NRCAM: variants seen among roughly 807,000 people sequenced by gnomAD.
The protein encoded by NRCAM is NgCAM-related cell adhesion molecule.
NRCAM carries 83 observed loss-of-function variants against 156.5 expected under a neutral mutation model. The ratio of observed to expected loss-of-function variants is 0.53; its 90% confidence interval spans 0.44 to 0.64. The LOEUF (loss-of-function observed/expected upper bound fraction) is 0.64, where lower values mean the gene tolerates loss of function less well. Ranked by LOEUF, NRCAM falls within the 30% of genes least tolerant of loss-of-function variation. The pLI is 0.00. For missense variants in NRCAM, 1,417 were observed against 1,597.3 expected, an observed-to-expected ratio of 0.89 and a Z score of 1.92; for synonymous variants, 538 against 563.9, an observed-to-expected ratio of 0.95 and a Z score of 0.65.
In NRCAM at chr7:108,191,754, G is replaced by A. The variant is rs536252588; in HGVS notation, c.1878C>T (p.Ser626=). ...CVANTTLDSV[S]ASAVLSVVAP... is the part of the protein sequence containing the mutation. ...CAACAACGCTAAGCACAGCGCTGGC[G>A]GAGACGCTGTCCAGAGTGGTGTTGG... The change falls in exon 18 of 33, where the codon TCC becomes TCT. Residue 626 remains serine (S), a synonymous_variant. Transcript: ENST00000379028. 23 of 1,613,802 alleles carry A rather than the reference G, an allele frequency of 1.4e-5. No homozygotes were observed. The highest frequency in any genetic ancestry group is 1.7e-4 in the Middle Eastern group (1 of 6,030).
At chr7:108,447,263 T>C (rs929596371) in intron 1 of NRCAM, among the ~76,000 whole-genome samples, 2 of 121,492 alleles carry the variant, frequency 1.6e-5, no homozygotes, top group African/African-American at 3.2e-5. Flanking sequence ...TTCTTTCTTT[T>C]TTTTTTTTTT....
chr7:108,315,929 T>A (rs1593025503), intron 2 of NRCAM, among the ~76,000 whole-genome samples: 1 of 152,248 alleles, frequency 6.6e-6, no homozygotes, highest in African/African-American at 2.4e-5. Flanking sequence ...GTGAGCAAAT[T>A]ACATTGATAG....
intron 3 of NRCAM, among the ~76,000 whole-genome samples, chr7:108,277,118 G>A (rs1468791599): frequency 6.6e-6 from 1 of 152,172 alleles, no homozygotes; most frequent in Non-Finnish European, 1.5e-5. Context: ...TTAGTCTGAT[G>A]GACTTCCCTT....
At chr7:108,264,601 C>T (rs2097017880) in intron 3 of NRCAM, among the ~76,000 whole-genome samples, 1 of 152,214 alleles carries the variant, frequency 6.6e-6, no homozygotes, top group African/African-American at 2.4e-5. Context: ...TCTTAACTGG[C>T]ATCAATCGTT....
intron 3 of NRCAM, among the ~76,000 whole-genome samples, chr7:108,252,392 A>G (rs1186942508): frequency 6.6e-6 from 1 of 152,158 alleles, no homozygotes; most frequent in African/African-American, 2.4e-5. Context: ...TTTAAATAAG[A>G]CTATTGTAGG....
intron 2 of NRCAM, among the ~76,000 whole-genome samples, chr7:108,320,564 G>A (rs2098989538): frequency 6.6e-6 from 1 of 151,530 alleles, no homozygotes; most frequent in African/African-American, 2.4e-5. Context: ...AAAAAAAAGA[G>A]TGACTATTTT....
chr7:108,290,565 A>G (rs1041587382), intron 3 of NRCAM, among the ~76,000 whole-genome samples: 2 of 152,220 alleles, frequency 1.3e-5, no homozygotes, highest in African/African-American at 4.8e-5. Flanking sequence ...GTACAAAGCA[A>G]GCATTTCTAC....
At chr7:108,266,099 A>G (rs1188547195) in intron 3 of NRCAM, among the ~76,000 whole-genome samples, 7 of 151,880 alleles carry the variant, frequency 4.6e-5, no homozygotes, top group African/African-American at 1.7e-4. Context: ...GTTTTCAAAT[A>G]TTTTCTCATA....
At chr7:108,452,406 T>G (rs1046581784) in intron 1 of NRCAM, among the ~76,000 whole-genome samples, 1 of 140,376 alleles carries the variant, frequency 7.1e-6, no homozygotes, top group Non-Finnish European at 1.6e-5. Context: ...TCATTAATGC[T>G]GTGGGGGGGG....
At position 108,277,039 on chromosome 7, in the gene NRCAM, C is replaced by G. The variant is rs1468031318; in HGVS notation, c.-107+35626G>C. 2.0e-5 allele frequency among the ~76,000 whole-genome samples: 3 copies of G among 152,248 alleles called. No homozygotes were observed. In the East Asian group the frequency reaches 5.8e-4, roughly 29 times the overall value. On this transcript the variant is annotated intron_variant, in intron 3 of 32. Transcript: ENST00000379028. ...GAAATTCTGGGTTGAAAATTCTTTT[C>G]TTTAAGAATGTTGAATATTGGCCCC...
chr7:108,254,629 CCT>C lies in NRCAM; in HGVS notation c.-106-14461_-106-14460del, dbSNP rs2096542134. On this transcript the variant is annotated intron_variant, in intron 3 of 32. Coordinates refer to ENST00000379028, the MANE Select transcript of NRCAM (RefSeq NM_001037132.4). ...ATAGCGTGATCTCAGCTAAGGGCAACCTCTGTCTCCTGGGCTCAAACCATCCT... is the reference window on the plus strand; with the variant it reads ...ATAGCGTGATCTCAGCTAAGGGCAACCTGTCTCCTGGGCTCAAACCATCCT... 4.8e-5 allele frequency among the ~76,000 whole-genome samples: 7 copies of C among 146,392 alleles called. No homozygotes were observed. The South Asian group carries it at 1.5e-3, about 31-fold the overall frequency.
intron 15 of NRCAM, among the ~76,000 whole-genome samples, chr7:108,195,532 C>T (rs1026463687): frequency 1.3e-5 from 2 of 151,976 alleles, no homozygotes; most frequent in African/African-American, 4.8e-5. Context: ...AGGAGATATG[C>T]TTGAACCCAG....
intron 32 of NRCAM, among the ~76,000 whole-genome samples, chr7:108,158,935 T>G (rs1459046505): frequency 6.6e-6 from 1 of 152,190 alleles, no homozygotes; most frequent in East Asian, 1.9e-4. Flanking sequence ...AGTAACACAT[T>G]GCCTAGAGGG....
chr7:108,242,258 CA>C (rs11413420), intron 3 of NRCAM, among the ~76,000 whole-genome samples: 98 of 98,492 alleles, frequency 1.0e-3, no homozygotes, highest in Middle Eastern at 5.7e-3. Flanking sequence ...GACCCCGTCT[CA>C]AAAAAAAAAA....
chr7:108,247,278 A>T (rs2096006949), intron 3 of NRCAM, among the ~76,000 whole-genome samples: 1 of 152,194 alleles, frequency 6.6e-6, no homozygotes, highest in Admixed American at 6.5e-5. Context: ...ATAAACTGAG[A>T]TTGGCTCTTT....
intron 25 of NRCAM, 82 bp downstream of exon 25, chr7:108,180,141 G>T: frequency 2.5e-6 from 3 of 1,194,394 alleles, no homozygotes; most frequent in African/African-American, 1.5e-5. Flanking sequence ...AATATACTTT[G>T]ATCAGTAGCC....
At chr7:108,380,633 A>C (rs2099696661) in intron 2 of NRCAM, among the ~76,000 whole-genome samples, 2 of 152,138 alleles carry the variant, frequency 1.3e-5, no homozygotes, top group African/African-American at 4.8e-5. Flanking sequence ...TTGTTGATGT[A>C]GCTACTGCTT....
At chr7:108,230,276 C>T (rs536606136) in intron 8 of NRCAM, among the ~76,000 whole-genome samples, 13 of 143,650 alleles carry the variant, frequency 9.0e-5, no homozygotes, top group East Asian at 7.1e-4. Flanking sequence ...CAAAATATAT[C>T]CAGAATCTTA....
At chr7:108,277,124 C>T (rs1256054180) in intron 3 of NRCAM, among the ~76,000 whole-genome samples, 3 of 152,184 alleles carry the variant, frequency 2.0e-5, no homozygotes, top group African/African-American at 7.2e-5. Flanking sequence ...TGATGGACTT[C>T]CCTTCGTGGG....
Sources: gnomAD v4.1 joint callset for allele counts (sites outside exome capture counted in the v4.1 genomes callset) on GRCh38, gnomAD v4.1.1 for gene constraint, MANE v1.5 for transcripts, NCBI Gene and HGNC (gene_info 2026-07-23, HGNC 2026-07-21) for gene names.